Variants in MROH6 observed in about 807,000 individuals in gnomAD.
The protein encoded by MROH6 is maestro heat-like repeat-containing protein family member 6.
A neutral mutation model predicts 67.7 loss-of-function variants in MROH6; 62 were observed. The observed-to-expected ratio is 0.92, with a 90% CI of 0.75 to 1.13. The LOEUF (loss-of-function observed/expected upper bound fraction) is 1.13. Among genes scored for constraint, MROH6 ranks in the 50% most tolerant of loss-of-function variants. The probability of loss-of-function intolerance (pLI) is 0.00; values close to 1 mark genes in which losing one functional copy is unlikely to be tolerated. For missense variants in MROH6, 1,175 were observed against 1,029.1 expected (o/e 1.14, Z -1.94); for synonymous variants, 566 against 470.8 (o/e 1.20, Z -2.62).
In MROH6 at chr8:143,568,207, C is replaced by T. The variant is rs922175692; in HGVS notation, c.1699G>A (p.Glu567Lys). Residue 567 changes from glutamate to lysine, a missense_variant, in exon 11 of 14, where the codon GAG becomes AAG. Physicochemically the swap from Glu to Lys is moderately conservative, Grantham distance 56 (BLOSUM62 1). Transcript: ENST00000398882. ...TAGTGGGCCACGGTGACCAACTCCT[C>T]CAGCAGGCCCCAGCAAAAGGCGTGG... ...CDHAFCWGLL[E>K]ELVTVAHYDS... 12 of 1,610,792 alleles carry T rather than the reference C, an allele frequency of 7.4e-6. No individual in the cohort carries two copies. The African/African-American group carries it at 1.5e-4, about 20-fold the overall frequency.
rs1430821379 is a variant in MROH6 at position 143,572,057 on chromosome 8, G to C, written c.423C>G (p.Ala141=). The C allele has an allele frequency of 6.2e-7, 1 of 1,612,198 alleles. No homozygotes were observed. Residue 141 remains alanine (A), a synonymous_variant, in exon 2 of 14, where the codon GCC becomes GCG. Transcript: ENST00000398882. ...TVLTLSSALE[A]RGERLEDQVH... is the part of the protein sequence containing the mutation. Reference sequence around the variant, plus strand: ...CCTGGTCCTCCAACCGCTCGCCCCGGGCCTCCAGGGCTGAGGACAGGGTGA... The same window carrying C: ...CCTGGTCCTCCAACCGCTCGCCCCGCGCCTCCAGGGCTGAGGACAGGGTGA...
In MROH6 at chr8:143,570,257, G is replaced by C; in HGVS notation, c.1029C>G (p.Val343=). 1 of 1,575,642 alleles carries C rather than the reference G, an allele frequency of 6.3e-7. No individual in the cohort carries two copies. The highest frequency in any genetic ancestry group is 8.6e-7 in the Non-Finnish European group (1 of 1,163,452). ...LVGAHTHLEG[V]LLLASAMVAH... The stretch of plus-strand genomic sequence containing the variant: ...ACCCTCCTCACCTGGCCAGCAGCAG[G>C]ACGCCCTCCAGGTGGGTGTGGGCTC... Residue 343 remains valine (V), a synonymous_variant, in exon 6 of 14, where the codon GTC becomes GTG. Coordinates refer to ENST00000398882, the MANE Select transcript of MROH6 (RefSeq NM_001100878.2).
chr8:143,568,808 C>T (rs1823797755), intron 9 of MROH6, 89 bp from the exon 10 acceptor site: 1 of 1,057,966 alleles, frequency 9.5e-7, no homozygotes, highest in Non-Finnish European at 1.3e-6. Flanking sequence ...GAGGAAGCGG[C>T]GGGTCTAGGG....
In MROH6 at chr8:143,567,771, C is replaced by G. The variant is rs1823709699; in HGVS notation, c.1867+15G>C. 1.3e-6 allele frequency: 2 copies of G among 1,563,618 alleles called. No homozygotes were observed. Among genetic ancestry groups the G allele is most frequent in the Non-Finnish European group, 1.7e-6 (2 of 1,153,342 alleles). On this transcript the variant is annotated intron_variant, in intron 12 of 13. Transcript: ENST00000398882. Reference sequence around the variant, plus strand: ...GCCCCGGTGCCAGGGGCAGTGTGACCCCGGGCGGCCTCACCTATAAGCACG... The same window carrying G: ...GCCCCGGTGCCAGGGGCAGTGTGACGCCGGGCGGCCTCACCTATAAGCACG...
Position 143,567,831 on chromosome 8 carries a change from G to A in MROH6, c.1822C>T (p.Arg608Trp), listed in dbSNP as rs73715685. Residue 608 changes from arginine to tryptophan, a missense_variant, in exon 12 of 14, where the codon CGG (arginine) becomes TGG (tryptophan). Physicochemically the swap from Arg to Trp is moderately radical, Grantham distance 101. Transcript: ENST00000398882. ...NFLSQTQGYL[R>W]SPQDPLRRAA... ...CGGCGCAGGGGGTCCTGTGGACTCC[G>A]CAGGTAGCCCTGGGTCTGGCTCAGG... 3,631 of 1,532,904 alleles carry A rather than the reference G, an allele frequency of 2.4e-3. 76 individuals carry two copies. In the African/African-American group the frequency reaches 0.043, roughly 18 times the overall value. 95.0% of individuals were successfully genotyped at this position (1,532,904 alleles called of 1,614,324 possible).
In MROH6 at chr8:143,572,681, G is replaced by T. The variant is rs566873214; in HGVS notation, c.34C>A (p.Arg12=). 6.5e-7 allele frequency: 1 copy of T among 1,530,226 alleles called. No homozygotes were observed. Among genetic ancestry groups the T allele is most frequent in the Admixed American group, 1.9e-5 (1 of 51,526 alleles). 94.8% of individuals were successfully genotyped at this position (1,530,226 alleles called of 1,614,324 possible). The change falls in exon 1 of 14, where the codon CGG becomes AGG. Residue 12 remains arginine (R), a synonymous_variant. Coordinates refer to ENST00000398882, the MANE Select transcript of MROH6 (RefSeq NM_001100878.2). Reference sequence around the variant, plus strand: ...GTTAGAGCCCCCACGGGAGCCTCCCGGGCCCGGCTCCGGCCCCACACACCC... The same window carrying T: ...GTTAGAGCCCCCACGGGAGCCTCCCTGGCCCGGCTCCGGCCCCACACACCC... ...AGGVWGRSRA[R]EAPVGALTLT...
rs770805420 is a variant in MROH6 at position 143,568,627 on chromosome 8, G to T, written c.1569C>A (p.Pro523=). Residue 523 remains proline, a synonymous_variant, in exon 10 of 14, where the codon CCC becomes CCA. Coordinates refer to ENST00000398882, the MANE Select transcript of MROH6 (RefSeq NM_001100878.2). ...RGGLRLGLRG[P]LRKLVLQSLV... ...GACTCTGCAGCACCAGCTTCCGCAGGGGGCCGCGGAGCCCCAGCCGGAGCC... is the reference window on the plus strand; with the variant it reads ...GACTCTGCAGCACCAGCTTCCGCAGTGGGCCGCGGAGCCCCAGCCGGAGCC... The T allele has an allele frequency of 1.3e-6, 2 of 1,539,066 alleles. No individual in the cohort carries two copies. The highest frequency in any genetic ancestry group is 1.7e-6 in the Non-Finnish European group (2 of 1,148,482).
At chr8:143,569,317 G>A (rs1278388246) in intron 9 of MROH6, 124 bp downstream of exon 9, 6 of 609,128 alleles carry the variant, frequency 9.9e-6, no homozygotes, top group South Asian at 2.5e-5. Context: ...GAAGGGCGGG[G>A]CGGGGCCTGA....
chr8:143,568,287 C>T lies in MROH6; in HGVS notation c.1645-26G>A, dbSNP rs760284783. 22 of 1,586,618 alleles carry T rather than the reference C, an allele frequency of 1.4e-5. No individual in the cohort carries two copies. In the African/African-American group the frequency reaches 2.0e-4, roughly 15 times the overall value. ...CTGGGATAGGGGAAGTGAGCCGGGTCAGGGGTCCAGGAAGTAGAAAGGCAA... is the reference window on the plus strand; with the variant it reads ...CTGGGATAGGGGAAGTGAGCCGGGTTAGGGGTCCAGGAAGTAGAAAGGCAA... On this transcript the variant is annotated intron_variant, in intron 10 of 13. Coordinates refer to ENST00000398882, the MANE Select transcript of MROH6 (RefSeq NM_001100878.2).
At chr8:143,570,830 C>G in intron 4 of MROH6, 47 bp downstream of exon 4, 1 of 1,041,348 alleles carries the variant, frequency 9.6e-7, no homozygotes. Context: ...CTCCTCGCCA[C>G]CCCCCACCCC....
Position 143,566,946 on chromosome 8 carries a change from A to T in MROH6, c.*293T>A. The stretch of plus-strand genomic sequence containing the variant: ...AACTTTGGGGTCCCCCAGCAGACTC[A>T]AGAGGCCAGGTGCCATCTGGGCCAG... On this transcript the variant is annotated 3_prime_UTR_variant, in exon 14 of 14. Transcript: ENST00000398882. 1 of 272,300 alleles carries T rather than the reference A, an allele frequency of 3.7e-6. No individual in the cohort carries two copies. The highest frequency in any genetic ancestry group is 6.9e-6 in the Non-Finnish European group (1 of 144,282). The allele number at this position is 272,300 out of a possible 1,614,324, so 16.9% of individuals were successfully genotyped here.
rs938101886 is a variant in MROH6 at position 143,567,505 on chromosome 8, G to A, written c.1934-40C>T. On this transcript the variant is annotated intron_variant, in intron 13 of 13. Coordinates refer to ENST00000398882, the MANE Select transcript of MROH6 (RefSeq NM_001100878.2). ...CGGCTCAGGCTGGGGAGCCCAGGAG[G>A]GCCGAGTGCCCGGGCCCCTGGCCCT... The A allele has an allele frequency of 6.9e-6, 10 of 1,444,280 alleles. No homozygotes were observed. The African/African-American group carries it at 1.3e-4, about 19-fold the overall frequency. The allele number at this position is 1,444,280 out of a possible 1,614,324, so 89.5% of individuals were successfully genotyped here. A position where few individuals can be genotyped will look rare whatever the true frequency, so the allele number is the denominator to read the frequency against.
chr8:143,571,728 C>G lies in MROH6; in HGVS notation c.541G>C (p.Ala181Pro). Residue 181 changes from alanine to proline, a missense_variant, in exon 3 of 14, where the codon GCC (alanine) becomes CCC (proline). Ala to Pro is a conservative substitution (Grantham distance 27). Coordinates refer to ENST00000398882, the MANE Select transcript of MROH6 (RefSeq NM_001100878.2). ...RAALRVLSAL[A>P]LEHARDVVCA... The stretch of plus-strand genomic sequence containing the variant: ...ACCACGTCCCGCGCATGCTCCAGGG[C>G]CAGTGCGCTCAGCACTCGCAGGGCC... The G allele has an allele frequency of 6.5e-7, 1 of 1,550,272 alleles. No homozygotes were observed. The highest frequency in any genetic ancestry group is 8.7e-7 in the Non-Finnish European group (1 of 1,148,094).
chr8:143,571,353 G>A (rs929969382), intron 3 of MROH6, among the ~76,000 whole-genome samples: 7 of 147,000 alleles, frequency 4.8e-5, no homozygotes, highest in African/African-American at 7.4e-5. Context: ...GTCCAGGCAC[G>A]TTAGCCCCCC....
Position 143,569,424 on chromosome 8 carries a change from G to A in MROH6, c.1476+17C>T, listed in dbSNP as rs1823858489. ...ACAGCGGCAGGGGCGGGACCCGGAG[G>A]CGGGGCGTTTGCTCACGTCGTCCAG... On this transcript the variant is annotated intron_variant, in intron 9 of 13. Coordinates refer to ENST00000398882, the MANE Select transcript of MROH6 (RefSeq NM_001100878.2). 9 of 1,428,898 alleles carry A rather than the reference G, an allele frequency of 6.3e-6. No individual in the cohort carries two copies. The highest frequency in any genetic ancestry group is 8.2e-6 in the Non-Finnish European group (9 of 1,101,318). 88.5% of individuals were successfully genotyped at this position (1,428,898 alleles called of 1,614,324 possible).
chr8:143,567,382 G>C lies in MROH6; in HGVS notation c.2017C>G (p.Arg673Gly). ...GGCCCGCGGGGGCAGCCCCGGGCAC[G>C]GGCCAGCATCGCCACCTGCTGAGCG... The part of the protein sequence containing the change: ...VSAQQVAMLA[R>G]ARGCPRGPRL... Residue 673 changes from arginine (R) to glycine (G), a missense_variant, in exon 14 of 14, where the codon CGT (arginine) becomes GGT (glycine). Transcript: ENST00000398882. The C allele has an allele frequency of 2.4e-6, 3 of 1,237,866 alleles. No homozygotes were observed. The highest frequency in any genetic ancestry group is 3.0e-6 in the Non-Finnish European group (3 of 991,092). 76.7% of individuals were successfully genotyped at this position (1,237,866 alleles called of 1,614,324 possible).
At position 143,567,373 on chromosome 8, in the gene MROH6, C is replaced by A. The variant is rs1273630561; in HGVS notation, c.2026G>T (p.Gly676Cys). 8.1e-7 allele frequency: 1 copy of A among 1,234,940 alleles called. No individual in the cohort carries two copies. The allele number at this position is 1,234,940 out of a possible 1,614,324, so 76.5% of individuals were successfully genotyped here. ...AGAAGGCGGGGCCCGCGGGGGCAGC[C>A]CCGGGCACGGGCCAGCATCGCCACC... is the stretch of plus-strand genomic sequence containing the variant. ...QQVAMLARAR[G>C]CPRGPRLLRI... Residue 676 changes from glycine to cysteine, a missense_variant, in exon 14 of 14, where the codon GGC (glycine) becomes TGC (cysteine). Physicochemically the swap from Gly to Cys is radical, Grantham distance 159. Transcript: ENST00000398882.
chr8:143,567,449 C>CGG lies in MROH6; in HGVS notation c.1949_1950insCC (p.Gln650HisfsTer170). ...CGGCCACAGCCGGCTTGGGGTCGCT[C>CGG]TGCAGTCGCCCTAGGTCTGCGAGGA... On this transcript the variant is annotated frameshift_variant, in exon 14 of 14. Transcript: ENST00000398882. LOFTEE classifies it low-confidence loss of function (END_TRUNC). 1.5e-6 allele frequency: 2 copies of CGG among 1,371,920 alleles called. No homozygotes were observed. The highest frequency in any genetic ancestry group is 7.0e-5 in the Admixed American group (2 of 28,742). 85.0% of individuals were successfully genotyped at this position (1,371,920 alleles called of 1,614,324 possible).
At chr8:143,568,355 G>A (rs1563914778) in intron 10 of MROH6, 94 bp from the exon 11 acceptor site, 5 of 1,494,086 alleles carry the variant, frequency 3.3e-6, no homozygotes, top group Non-Finnish European at 2.7e-6. Flanking sequence ...TCGGGTGAGG[G>A]GCAGAAGAGC....
Sources: gnomAD v4.1 joint callset for allele counts (sites outside exome capture counted in the v4.1 genomes callset) on GRCh38, gnomAD v4.1.1 for gene constraint, MANE v1.5 for transcripts, NCBI Gene and HGNC (gene_info 2026-07-23, HGNC 2026-07-21) for gene names.